The following NCAM1 variants were observed in gnomAD, a reference collection of about 807,000 sequenced individuals.
NCAM1 encodes the protein neural cell adhesion molecule 1, also known as antigen recognized by monoclonal antibody 5.1H11.
A neutral mutation model predicts 109.8 loss-of-function variants in NCAM1; 14 were observed. The ratio of observed to expected loss-of-function variants is 0.13; its 90% CI spans 0.08 to 0.20. The LOEUF (loss-of-function observed/expected upper bound fraction) is 0.20, where lower values mean the gene tolerates loss of function less well. Ranked by LOEUF, NCAM1 falls within the 10% of genes least tolerant of loss-of-function variation. The pLI is 1.00. For synonymous variants in NCAM1, 418 were observed against 442.9 expected (o/e 0.94, Z 0.70); for missense variants, 774 against 1,109.9 (o/e 0.70, Z 4.30).
At chr11:113,165,763 C>G (rs575530472) in intron 1 of NCAM1, among the ~76,000 whole-genome samples, 1 of 152,056 alleles carries the variant, frequency 6.6e-6, no homozygotes, top group African/African-American at 2.4e-5. Flanking sequence ...CTGGCTCTCT[C>G]CTGGCTTCTC....
In NCAM1 at chr11:113,027,695, T is replaced by C. The variant is rs145494129; in HGVS notation, c.52+66031T>C. ...CTGTCTCACCCTGAACTGTCAAATC[T>C]AGGAAATTATAAGATGAGACACTTC... On this transcript the variant is annotated intron_variant, in intron 1 of 19. Coordinates refer to ENST00000316851, the MANE Select transcript of NCAM1 (RefSeq NM_181351.5). Among the ~76,000 whole-genome samples the C allele has an allele frequency of 3.4e-3, 514 of 152,290 alleles. 2 individuals carry two copies. The highest frequency in any genetic ancestry group is 0.012 in the African/African-American group (488 of 41,556).
At chr11:112,970,371 C>CG (rs1950845998) in intron 1 of NCAM1, among the ~76,000 whole-genome samples, 1 of 151,990 alleles carries the variant, frequency 6.6e-6, no homozygotes, top group African/African-American at 2.4e-5. Flanking sequence ...CTATGGTGGT[C>CG]GGACAAAATG....
At chr11:113,048,137 C>T (rs1476616641) in intron 1 of NCAM1, among the ~76,000 whole-genome samples, 2 of 152,158 alleles carry the variant, frequency 1.3e-5, no homozygotes, top group African/African-American at 4.8e-5. Context: ...GACACTCTGA[C>T]ATTGCTGTCC....
At chr11:112,976,479 A>G (rs1358209047) in intron 1 of NCAM1, among the ~76,000 whole-genome samples, 2 of 151,960 alleles carry the variant, frequency 1.3e-5, no homozygotes, top group Non-Finnish European at 1.5e-5. Context: ...TTAAACCTAC[A>G]GATTGATTTG....
intron 14 of NCAM1, among the ~76,000 whole-genome samples, chr11:113,245,197 A>G (rs1316238850): frequency 2.0e-5 from 3 of 152,150 alleles, no homozygotes; most frequent in Non-Finnish European, 4.4e-5. Flanking sequence ...GCTCAAGCCT[A>G]TAATCCCAGC....
At chr11:113,136,409 A>G (rs1470728606) in intron 1 of NCAM1, among the ~76,000 whole-genome samples, 1 of 152,182 alleles carries the variant, frequency 6.6e-6, no homozygotes, top group Non-Finnish European at 1.5e-5. Flanking sequence ...GGCTGGGTCC[A>G]CACTCTCCAG....
intron 1 of NCAM1, among the ~76,000 whole-genome samples, chr11:113,142,881 G>A (rs924613873): frequency 6.6e-5 from 10 of 151,810 alleles, no homozygotes; most frequent in South Asian, 2.1e-4. Context: ...TTTAAAAATC[G>A]AAAAAATAGT....
rs1944429415 is a variant in NCAM1 at position 113,212,888 on chromosome 11, T to C, written c.917-1481T>C. On this transcript the variant is annotated intron_variant, in intron 7 of 19. Transcript: ENST00000316851. ...GGAAACCTATGAGGTTTAACCTCAT[T>C]CATGTGGACTCCATCAACTGAAATC... Among the ~76,000 whole-genome samples the C allele has an allele frequency of 2.0e-5, 3 of 152,294 alleles. No homozygotes were observed. In the South Asian group the frequency reaches 6.2e-4, roughly 32 times the overall value.
intron 17 of NCAM1, chr11:113,264,680 C>T: frequency 5.1e-6 from 5 of 985,512 alleles, no homozygotes; most frequent in Non-Finnish European, 3.6e-6. Context: ...GGGCAGTGTC[C>T]ATCTTTCTGA....
At chr11:113,120,152 C>A (rs1940896828) in intron 1 of NCAM1, among the ~76,000 whole-genome samples, 1 of 152,184 alleles carries the variant, frequency 6.6e-6, no homozygotes, top group African/African-American at 2.4e-5. Context: ...GAAGAAAAGG[C>A]ATTTTACAGA....
chr11:113,166,343 C>T (rs1054304101), intron 1 of NCAM1, among the ~76,000 whole-genome samples: 2 of 152,138 alleles, frequency 1.3e-5, no homozygotes, highest in African/African-American at 2.4e-5. Flanking sequence ...CTCTGAAAAT[C>T]GTAGGAAAAC....
chr11:113,068,260 TACA>T (rs1184292035), intron 1 of NCAM1, among the ~76,000 whole-genome samples: 10 of 152,150 alleles, frequency 6.6e-5, no homozygotes, highest in African/African-American at 1.9e-4. Flanking sequence ...TGTTGATAAG[TACA>T]ACAAGAGGTT....
chr11:113,238,808 C>A (rs1165039335), intron 14 of NCAM1, among the ~76,000 whole-genome samples: 3 of 152,156 alleles, frequency 2.0e-5, no homozygotes, highest in Admixed American at 6.5e-5. Flanking sequence ...GGATCTCCTA[C>A]CACTGGAGTT....
intron 1 of NCAM1, among the ~76,000 whole-genome samples, chr11:113,091,724 T>C (rs1202103720): frequency 4.6e-5 from 7 of 152,198 alleles, no homozygotes; most frequent in Admixed American, 3.9e-4. Flanking sequence ...CCTTGGGGCC[T>C]GGAAAGTAGG....
chr11:113,238,464 A>G (rs1555118702), intron 14 of NCAM1, among the ~76,000 whole-genome samples: 1 of 152,180 alleles, frequency 6.6e-6, no homozygotes, highest in Non-Finnish European at 1.5e-5. Context: ...GTGAGGACTT[A>G]GCCCACGGAG....
At chr11:113,107,122 A>C (rs1242234930) in intron 1 of NCAM1, among the ~76,000 whole-genome samples, 1 of 152,244 alleles carries the variant, frequency 6.6e-6, no homozygotes, top group Non-Finnish European at 1.5e-5. Flanking sequence ...ATTTAAGCTC[A>C]GACCAGTAGA....
At chr11:113,193,946 A>G (rs1469220396) in intron 1 of NCAM1, among the ~76,000 whole-genome samples, 4 of 152,190 alleles carry the variant, frequency 2.6e-5, no homozygotes, top group African/African-American at 4.8e-5. Context: ...ACTTCTTTCT[A>G]TAAAACTAAA....
chr11:113,144,025 A>G (rs1259771222), intron 1 of NCAM1, among the ~76,000 whole-genome samples: 1 of 152,232 alleles, frequency 6.6e-6, no homozygotes, highest in Non-Finnish European at 1.5e-5. Flanking sequence ...AAGTGGGATC[A>G]ATATGACTTA....
At chr11:113,082,674 C>T (rs905080139) in intron 1 of NCAM1, among the ~76,000 whole-genome samples, 11 of 152,178 alleles carry the variant, frequency 7.2e-5, no homozygotes, top group Admixed American at 3.9e-4. Flanking sequence ...AGGGTCTGGA[C>T]GCTCTGAGCG....
Sources: allele counts gnomAD v4.1 joint callset (sites outside exome capture counted in the v4.1 genomes callset), GRCh38; gene constraint gnomAD v4.1.1; transcripts MANE v1.5; gene names NCBI Gene and HGNC (gene_info 2026-07-23, HGNC 2026-07-21).